Variants in FAT1 observed in about 807,000 individuals in gnomAD.
FAT1 encodes FAT atypical cadherin 1.
Under a neutral mutation model 329.8 loss-of-function variants are expected in FAT1, and 171 were observed. The ratio of observed to expected loss-of-function variants is 0.52; its 90% CI spans 0.46 to 0.59. FAT1 has a LOEUF of 0.59. Ranked by LOEUF, FAT1 falls within the 20% of genes least tolerant of loss-of-function variation. The pLI, the probability that FAT1 is intolerant of heterozygous loss-of-function variation, is 0.00. For synonymous variants in FAT1, 2,233 were observed against 2,228.6 expected (o/e 1.00, Z -0.06); for missense variants, 5,672 against 5,774.4 (o/e 0.98, Z 0.57).
intron 1 of FAT1, among the ~76,000 whole-genome samples, chr4:186,716,550 C>A (rs1217737670): frequency 3.3e-5 from 5 of 152,008 alleles, no homozygotes; most frequent in Non-Finnish European, 1.5e-5. Context: ...GCCTCCGCCT[C>A]CGGGGTACCT....
chr4:186,707,117 T>C lies in FAT1; in HGVS notation c.2711A>G (p.Glu904Gly), dbSNP rs2126685747. The change falls in exon 2 of 27, where the codon GAG becomes GGG. Residue 904 changes from glutamate (E) to glycine (G), a missense_variant. Coordinates refer to ENST00000441802, the MANE Select transcript of FAT1 (RefSeq NM_005245.4). ...KIEARDQARE[E>G]PQLFSTVVVK... is the part of the protein sequence containing the mutation. The stretch of plus-strand genomic sequence containing the variant: ...AACGACAGTGGAGAACAGCTGAGGC[T>C]CTTCTCTGGCTTGGTCCCTGGCCTC... The C allele has an allele frequency of 6.2e-7, 1 of 1,614,008 alleles. No individual in the cohort carries two copies. Among genetic ancestry groups the C allele is most frequent in the Non-Finnish European group, 8.5e-7 (1 of 1,179,892 alleles).
chr4:186,591,936 A>G, intron 26 of FAT1, among the ~76,000 whole-genome samples: 1 of 152,166 alleles, frequency 6.6e-6, no homozygotes, highest in East Asian at 1.9e-4. Flanking sequence ...GGATCTCTAG[A>G]CCGGCACCAT....
chr4:186,638,615 GCACACACACACA>G (rs35176185), intron 4 of FAT1, among the ~76,000 whole-genome samples: 2 of 139,940 alleles, frequency 1.4e-5, no homozygotes, highest in East Asian at 2.0e-4. Context: ...AGTTCCCAAT[GCACACACACACA>G]CACACACACA....
At chr4:186,597,217 C>T (rs2126396669) in intron 24 of FAT1, 46 bp from the exon 25 acceptor site, 2 of 1,496,948 alleles carry the variant, frequency 1.3e-6, no homozygotes, top group Non-Finnish European at 1.8e-6. Context: ...TAGCATACGC[C>T]AGCGTATGTC....
At chr4:186,696,134 T>C (rs1431702144) in intron 2 of FAT1, among the ~76,000 whole-genome samples, 1 of 152,134 alleles carries the variant, frequency 6.6e-6, no homozygotes, top group Non-Finnish European at 1.5e-5. Context: ...GACCTTAAAC[T>C]CTAATCTTGA....
Position 186,621,375 on chromosome 4 carries a change from T to A in FAT1, c.5211A>T (p.Ile1737=), listed in dbSNP as rs2126524720. 1 of 1,614,032 alleles carries A rather than the reference T, an allele frequency of 6.2e-7. No individual in the cohort carries two copies. The highest frequency in any genetic ancestry group is 8.5e-7 in the Non-Finnish European group (1 of 1,179,894). ...ACAAACCAGCCATGTTAGTTCCTTGTATTATCAATGTGTAAATGGGCAAAG... is the reference window on the plus strand; with the variant it reads ...ACAAACCAGCCATGTTAGTTCCTTGAATTATCAATGTGTAAATGGGCAAAG... ...FETLPIYTLI[I]QGTNMAGLST... Residue 1737 remains isoleucine, a synonymous_variant, in exon 10 of 27, where the codon ATA becomes ATT. Coordinates refer to ENST00000441802, the MANE Select transcript of FAT1 (RefSeq NM_005245.4).
In FAT1 at chr4:186,645,411, ATATATATATAT is replaced by A. The variant is rs1560962506; in HGVS notation, c.3581-5639_3581-5629del. 1.6e-3 allele frequency among the ~76,000 whole-genome samples: 135 copies of A among 84,646 alleles called. 5 individuals are homozygous for A. The highest frequency in any genetic ancestry group is 6.3e-3 in the African/African-American group (127 of 20,116). 55.5% of individuals were successfully genotyped at this position (84,646 alleles called of 152,430 possible). On this transcript the variant is annotated intron_variant, in intron 3 of 26. Transcript: ENST00000441802. The stretch of plus-strand genomic sequence containing the variant: ...TATATATATATATATATATATATAT[ATATATATATAT>A]GCCTGTAAAAAACTGAGATATATCC...
At chr4:186,665,566 A>C (rs1259730758) in intron 2 of FAT1, among the ~76,000 whole-genome samples, 1 of 151,856 alleles carries the variant, frequency 6.6e-6, no homozygotes, top group Non-Finnish European at 1.5e-5. Context: ...AATTTGTTTG[A>C]GTTCTTTGTA....
chr4:186,605,613 T>C (rs1386274778), intron 17 of FAT1, among the ~76,000 whole-genome samples: 2 of 20,422 alleles, frequency 9.8e-5, no homozygotes, highest in African/African-American at 4.5e-4. Flanking sequence ...GAGGGAAGAG[T>C]GGGGAGGAGG....
chr4:186,605,996 A>G, intron 17 of FAT1, 74 bp downstream of exon 17: 1 of 1,397,962 alleles, frequency 7.2e-7, no homozygotes, highest in South Asian at 1.3e-5. Context: ...TTGGATAAGA[A>G]AGAAAAGCAA....
In FAT1 at chr4:186,651,051, A is replaced by AAATAATTTATCTATTATT. The variant is rs1316496263; in HGVS notation, c.3581-11269_3581-11268insAATAATAGATAAATTATT. 1.9e-4 allele frequency among the ~76,000 whole-genome samples: 28 copies of AAATAATTTATCTATTATT among 149,448 alleles called. 1 individual carries two copies. The highest frequency in any genetic ancestry group is 5.9e-4 in the African/African-American group (24 of 40,868). On this transcript the variant is annotated intron_variant, in intron 3 of 26. Coordinates refer to ENST00000441802, the MANE Select transcript of FAT1 (RefSeq NM_005245.4). ...ATTAAATAATTTATTTACTATTATT[A>AAATAATTTATCTATTATT]AATAATTTATTTATTATTAATAATT...
chr4:186,630,450 C>T (rs928509755), intron 7 of FAT1, among the ~76,000 whole-genome samples: 2 of 152,072 alleles, frequency 1.3e-5, no homozygotes, highest in Admixed American at 1.3e-4. Flanking sequence ...CGCAGAGCCT[C>T]GACTCCAGAA....
At position 186,611,468 on chromosome 4, in the gene FAT1, C is replaced by T. The variant is rs2126467096; in HGVS notation, c.9771G>A (p.Arg3257=). 2 of 1,613,816 alleles carry T rather than the reference C, an allele frequency of 1.2e-6. No homozygotes were observed. Among genetic ancestry groups the T allele is most frequent in the Non-Finnish European group, 1.7e-6 (2 of 1,179,798 alleles). Residue 3257 remains arginine (R), a synonymous_variant, in exon 14 of 27, where the codon CGG becomes CGA. Transcript: ENST00000441802. ...TEVLQVYAAS[R]DIEANAEITY... ...TGATTTCTGCATTTGCTTCAATATC[C>T]CGACTTGCTGCATACACTTGAAGAA...
chr4:186,664,673 G>A (rs944106914), intron 2 of FAT1, among the ~76,000 whole-genome samples: 3 of 152,164 alleles, frequency 2.0e-5, no homozygotes, highest in Non-Finnish European at 2.9e-5. Flanking sequence ...TTTCTCTTTG[G>A]CAAGTCCCAC....
Position 186,707,819 on chromosome 4 carries a change from A to G in FAT1, c.2009T>C (p.Val670Ala), listed in dbSNP as rs556156859. Reference sequence around the variant, plus strand: ...ACCAGTCTCTTCACACTGCAAGTTTACCAGCTTGTGACTGGCAGCCACTGT... The same window carrying G: ...ACCAGTCTCTTCACACTGCAAGTTTGCCAGCTTGTGACTGGCAGCCACTGT... The part of the protein sequence containing the change: ...NITVAASHKL[V>A]NLQCEETGVA... The change falls in exon 2 of 27, where the codon GTA becomes GCA. Residue 670 changes from valine (V) to alanine (A), a missense_variant. By Grantham distance (64) the Val-to-Ala change is moderately conservative. Coordinates refer to ENST00000441802, the MANE Select transcript of FAT1 (RefSeq NM_005245.4). 11 of 1,613,732 alleles carry G rather than the reference A, an allele frequency of 6.8e-6. No homozygotes were observed. The South Asian group carries it at 1.1e-4, about 16-fold the overall frequency.
intron 3 of FAT1, among the ~76,000 whole-genome samples, chr4:186,658,905 T>C (rs912532218): frequency 6.6e-6 from 1 of 152,208 alleles, no homozygotes; most frequent in Non-Finnish European, 1.5e-5. Context: ...TCTTCTTGGT[T>C]ATTTCACTTT....
intron 3 of FAT1, among the ~76,000 whole-genome samples, chr4:186,645,422 T>TATATATCTCTAA (rs1420963668): frequency 8.6e-5 from 5 of 58,012 alleles, no homozygotes; most frequent in African/African-American, 3.7e-4. Context: ...TATATATATA[T>TATATATCTCTAA]GCCTGTAAAA....
chr4:186,630,136 C>T (rs902166694), intron 7 of FAT1, among the ~76,000 whole-genome samples: 7 of 152,156 alleles, frequency 4.6e-5, no homozygotes, highest in Non-Finnish European at 1.0e-4. Context: ...TGGTCTCTGC[C>T]CTCATAGAGC....
Position 186,621,278 on chromosome 4 carries a change from A to G in FAT1, c.5308T>C (p.Tyr1770His), listed in dbSNP as rs1009422796. 6 of 1,613,914 alleles carry G rather than the reference A, an allele frequency of 3.7e-6. No homozygotes were observed. The African/African-American group carries it at 8.0e-5, about 22-fold the overall frequency. Residue 1770 changes from tyrosine (Y) to histidine (H), a missense_variant, in exon 10 of 27, where the codon TAT (tyrosine) becomes CAT (histidine). By Grantham distance (83) the Tyr-to-His change is moderately conservative. This residue lies in a region of FAT1 where 3,966 missense variants were observed against 3,915.2 expected (regional missense o/e 1.01). Transcript: ENST00000441802. ...GCTGATTCACTAATGAGTCCTGTATATTCTGCCTGCATAAAAACTGGCGCG... is the reference window on the plus strand; with the variant it reads ...GCTGATTCACTAATGAGTCCTGTATGTTCTGCCTGCATAAAAACTGGCGCG... ...DNAPVFMQAE[Y>H]TGLISESASI...
Sources: gnomAD v4.1 joint callset for allele counts (sites outside exome capture counted in the v4.1 genomes callset) on GRCh38, gnomAD v4.1.1 for gene constraint, gnomAD v4.1.1 regional missense constraint, MANE v1.5 for transcripts, NCBI Gene and HGNC (gene_info 2026-07-23, HGNC 2026-07-21) for gene names.